Variants in DCC observed in about 807,000 individuals in gnomAD.
The protein encoded by DCC is DCC netrin 1 receptor.
Under a neutral mutation model 172.5 loss-of-function variants are expected in DCC, and 58 were observed. The observed-to-expected ratio is 0.34, with a 90% CI of 0.27 to 0.42. The LOEUF is 0.42. DCC is among the 10% of genes least tolerant of loss of function. DCC has a pLI of 1.00. For synonymous variants in DCC, 709 were observed against 644.5 expected (o/e 1.10, Z -1.52); for missense variants, 1,740 against 1,791.0 (o/e 0.97, Z 0.51).
intron 1 of DCC, among the ~76,000 whole-genome samples, chr18:52,700,195 CGCACAT>C (rs1568049893): frequency 6.9e-6 from 1 of 145,892 alleles, no homozygotes; most frequent in African/African-American, 2.5e-5. Context: ...CGCACACACA[CGCACAT>C]ACACACATGC....
At chr18:52,490,480 C>T (rs908167922) in intron 1 of DCC, among the ~76,000 whole-genome samples, 2 of 151,902 alleles carry the variant, frequency 1.3e-5, no homozygotes, top group Non-Finnish European at 2.9e-5. Flanking sequence ...GTTTTCATGA[C>T]GGGGAAACTG....
intron 18 of DCC, among the ~76,000 whole-genome samples, chr18:53,399,982 G>A (rs527732505): frequency 6.6e-6 from 1 of 152,146 alleles, no homozygotes; most frequent in East Asian, 1.9e-4. Context: ...TTAATTAAGG[G>A]TTTTTAATAA....
chr18:53,314,655 AT>A (rs904645249), intron 13 of DCC, among the ~76,000 whole-genome samples: 15 of 152,176 alleles, frequency 9.9e-5, no homozygotes, highest in Admixed American at 5.2e-4. Flanking sequence ...ACATATCTAA[AT>A]TTTTTTTATA....
intron 5 of DCC, among the ~76,000 whole-genome samples, chr18:52,961,124 G>A (rs904643602): frequency 1.3e-5 from 2 of 151,994 alleles, no homozygotes; most frequent in South Asian, 2.1e-4. Context: ...AGAAAGGCCC[G>A]GTGTGGGGGC....
At chr18:53,348,113 A>G (rs142110528) in intron 15 of DCC, among the ~76,000 whole-genome samples, 1,617 of 152,268 alleles carry the variant, frequency 0.011, 18 homozygotes, top group Non-Finnish European at 0.016. Context: ...CCACAGTCCA[A>G]TGTCTCATCT....
chr18:52,602,223 G>C (rs1191915326), intron 1 of DCC, among the ~76,000 whole-genome samples: 1 of 152,060 alleles, frequency 6.6e-6, no homozygotes, highest in East Asian at 1.9e-4. Context: ...TTACCAGAAT[G>C]CTTTTGTAGG....
At chr18:53,333,953 A>G (rs1339346342) in intron 14 of DCC, among the ~76,000 whole-genome samples, 8 of 152,200 alleles carry the variant, frequency 5.3e-5, no homozygotes, top group African/African-American at 1.7e-4. Flanking sequence ...ACATGACCCA[A>G]GGAAATCTCA....
At chr18:52,530,163 T>G (rs1434006442) in intron 1 of DCC, among the ~76,000 whole-genome samples, 1 of 152,234 alleles carries the variant, frequency 6.6e-6, no homozygotes, top group Non-Finnish European at 1.5e-5. Context: ...TGTGAATTGC[T>G]ATGTTTCATT....
intron 7 of DCC, among the ~76,000 whole-genome samples, chr18:53,124,538 C>T (rs1214589029): frequency 1.3e-5 from 2 of 152,062 alleles, no homozygotes; most frequent in African/African-American, 2.4e-5. Flanking sequence ...TACCACTTGA[C>T]ATTACTTAGT....
intron 1 of DCC, among the ~76,000 whole-genome samples, chr18:52,702,850 C>T (rs2036147844): frequency 2.0e-5 from 3 of 152,132 alleles, no homozygotes; most frequent in African/African-American, 4.8e-5. Flanking sequence ...TTCTCTTCAT[C>T]TTCCCTGGGC....
chr18:53,119,464 A>G (rs758935924), intron 7 of DCC, among the ~76,000 whole-genome samples: 13 of 151,956 alleles, frequency 8.6e-5, no homozygotes, highest in Non-Finnish European at 1.0e-4. Flanking sequence ...TCTACTTAGG[A>G]AAACTAGAGA....
At chr18:52,474,056 TG>T (rs1470587381) in intron 1 of DCC, among the ~76,000 whole-genome samples, 1 of 152,162 alleles carries the variant, frequency 6.6e-6, no homozygotes, top group Non-Finnish European at 1.5e-5. Context: ...GATATAATGC[TG>T]CTAAAAACTG....
At chr18:52,505,111 A>G (rs575531482) in intron 1 of DCC, among the ~76,000 whole-genome samples, 1 of 152,292 alleles carries the variant, frequency 6.6e-6, no homozygotes, top group East Asian at 1.9e-4. Context: ...AGATCAGAGA[A>G]CGTATCAACT....
rs2045905927 is a variant in DCC at position 53,486,823 on chromosome 18, A to G, written c.3763A>G (p.Thr1255Ala). The change falls in exon 26 of 29, where the codon ACG becomes GCG. Residue 1255 changes from threonine to alanine, a missense_variant. Physicochemically the swap from Thr to Ala is moderately conservative, Grantham distance 58. Transcript: ENST00000442544. Reference sequence around the variant, plus strand: ...TGTCGTGAGCGCCATCCCGGTGCCAACGCTAGAAAGTGCCCAGTACCCAGG... The same window carrying G: ...TGTCGTGAGCGCCATCCCGGTGCCAGCGCTAGAAAGTGCCCAGTACCCAGG... ...PAVVSAIPVP[T>A]LESAQYPGIL... is the part of the protein sequence containing the mutation. The G allele has an allele frequency of 6.2e-7, 1 of 1,614,038 alleles. No individual in the cohort carries two copies. Among genetic ancestry groups the G allele is most frequent in the African/African-American group, 1.3e-5 (1 of 74,922 alleles).
chr18:52,522,527 T>C (rs2031852877), intron 1 of DCC, among the ~76,000 whole-genome samples: 1 of 151,992 alleles, frequency 6.6e-6, no homozygotes, highest in Admixed American at 6.5e-5. Context: ...AGTTAAATTT[T>C]AGAAAACAAG....
chr18:53,283,289 G>T (rs756337469), intron 12 of DCC, among the ~76,000 whole-genome samples: 1 of 152,042 alleles, frequency 6.6e-6, no homozygotes, highest in Non-Finnish European at 1.5e-5. Context: ...CAAGACAAAG[G>T]TTGCCTTCTG....
chr18:52,864,500 T>G (rs2039190041), intron 2 of DCC, among the ~76,000 whole-genome samples: 2 of 152,158 alleles, frequency 1.3e-5, no homozygotes, highest in African/African-American at 4.8e-5. Context: ...TAACATAGTT[T>G]CCATTTTCTT....
At chr18:53,077,940 A>G (rs1476604786) in intron 7 of DCC, among the ~76,000 whole-genome samples, 1 of 152,186 alleles carries the variant, frequency 6.6e-6, no homozygotes, top group Non-Finnish European at 1.5e-5. Context: ...GATAGGGCCC[A>G]TTGCTAAGTG....
At chr18:53,339,439 A>G (rs2057630009) in intron 14 of DCC, among the ~76,000 whole-genome samples, 1 of 152,204 alleles carries the variant, frequency 6.6e-6, no homozygotes, top group Non-Finnish European at 1.5e-5. Flanking sequence ...AAAGAAAAAA[A>G]GCCCAAGTAA....
Sources: gnomAD v4.1 joint callset for allele counts (sites outside exome capture counted in the v4.1 genomes callset) on GRCh38, gnomAD v4.1.1 for gene constraint, MANE v1.5 for transcripts, NCBI Gene and HGNC (gene_info 2026-07-23, HGNC 2026-07-21) for gene names.